The following MINDY3 variants were observed in gnomAD, a reference collection of about 807,000 sequenced individuals.
MINDY3 encodes ubiquitin carboxyl-terminal hydrolase MINDY-3.
MINDY3 carries 38 observed loss-of-function variants against 69.2 expected under a neutral mutation model. The ratio of observed to expected loss-of-function variants is 0.55; its 90% CI spans 0.42 to 0.72. The LOEUF (loss-of-function observed/expected upper bound fraction) is 0.72, where lower values mean the gene tolerates loss of function less well. Among genes scored for constraint, MINDY3 ranks in the 30% least tolerant of loss-of-function variants. MINDY3 has a pLI of 0.00. For synonymous variants in MINDY3, 192 were observed against 180.1 expected, an observed-to-expected ratio of 1.07 and a Z score of -0.53; for missense variants, 522 against 519.0, an observed-to-expected ratio of 1.01 and a Z score of -0.06.
At chr10:15,801,371 C>G (rs1454483582) in intron 10 of MINDY3, among the ~76,000 whole-genome samples, 2 of 152,068 alleles carry the variant, frequency 1.3e-5, no homozygotes, top group East Asian at 3.9e-4. Context: ...AATCTTTTGG[C>G]TGTATAAGAA....
At chr10:15,796,653 A>G (rs910456117) in intron 10 of MINDY3, among the ~76,000 whole-genome samples, 2 of 152,016 alleles carry the variant, frequency 1.3e-5, no homozygotes, top group Non-Finnish European at 2.9e-5. Flanking sequence ...TGCATTAAAA[A>G]TTTTAATTTA....
At chr10:15,826,733 T>A (rs925465089) in intron 8 of MINDY3, among the ~76,000 whole-genome samples, 3 of 152,146 alleles carry the variant, frequency 2.0e-5, no homozygotes, top group African/African-American at 7.2e-5. Flanking sequence ...ATCAGTGGAA[T>A]AGAATAAAAA....
rs537055882 is a variant in MINDY3 at position 15,808,495 on chromosome 10, C to T, written c.882+8340G>A. ...CTAAGAGAGAAAGGCTCTAACAGTT[C>T]ACCGCAGTGTTTTTCCTGTTACACC... On this transcript the variant is annotated intron_variant, in intron 10 of 14. Coordinates refer to ENST00000277632, the MANE Select transcript of MINDY3 (RefSeq NM_024948.4). Among the ~76,000 whole-genome samples, 5 of 152,252 alleles carry T rather than the reference C, an allele frequency of 3.3e-5. No individual in the cohort carries two copies. In the South Asian group the frequency reaches 1.0e-3, roughly 32 times the overall value.
chr10:15,828,782 G>A (rs917222024), intron 8 of MINDY3, among the ~76,000 whole-genome samples: 18 of 152,088 alleles, frequency 1.2e-4, no homozygotes, highest in African/African-American at 3.6e-4. Context: ...AAAAAAATAC[G>A]TTTACTAACA....
chr10:15,856,987 G>A (rs895854715), intron 1 of MINDY3, among the ~76,000 whole-genome samples: 1 of 152,112 alleles, frequency 6.6e-6, no homozygotes, highest in African/African-American at 2.4e-5. Flanking sequence ...AGGCAGATCA[G>A]TCCTTTAAAA....
At chr10:15,787,080 T>C (rs1160224300) in intron 12 of MINDY3, among the ~76,000 whole-genome samples, 1 of 152,134 alleles carries the variant, frequency 6.6e-6, no homozygotes, top group African/African-American at 2.4e-5. Flanking sequence ...CATCAGATAA[T>C]AGAAAACATC....
chr10:15,811,827 A>G (rs1003965119), intron 10 of MINDY3, among the ~76,000 whole-genome samples: 8 of 152,342 alleles, frequency 5.3e-5, no homozygotes, highest in African/African-American at 1.7e-4. Context: ...CAGAACATAT[A>G]AAACTAGTAT....
At position 15,789,604 on chromosome 10, in the gene MINDY3, A is replaced by C. The variant is rs116041656; in HGVS notation, c.956-285T>G. ...ATCTTTAAACAGTGTTACAGCGTTA[A>C]GTGGGTAAAATATTTTTCTACTTAA... is the stretch of plus-strand genomic sequence containing the variant. On this transcript the variant is annotated intron_variant, in intron 11 of 14. Transcript: ENST00000277632. 3.3e-3 allele frequency among the ~76,000 whole-genome samples: 503 copies of C among 152,298 alleles called. 2 individuals are homozygous for C. Among genetic ancestry groups the C allele is most frequent in the African/African-American group, 0.011 (454 of 41,592 alleles).
At chr10:15,829,049 C>G (rs1196979608) in intron 8 of MINDY3, among the ~76,000 whole-genome samples, 1 of 152,146 alleles carries the variant, frequency 6.6e-6, no homozygotes, top group African/African-American at 2.4e-5. Context: ...AATTCAGTTT[C>G]CCTCAAAAGC....
intron 7 of MINDY3, 58 bp downstream of exon 7, chr10:15,834,485 A>G: frequency 8.3e-7 from 1 of 1,200,500 alleles, no homozygotes; most frequent in South Asian, 1.3e-5. Flanking sequence ...TTTTATCTGA[A>G]GTCAAGTTTC....
chr10:15,833,791 G>C (rs1832895526), intron 7 of MINDY3, 82 bp from the exon 8 acceptor site: 1 of 870,598 alleles, frequency 1.1e-6, no homozygotes. Flanking sequence ...ATAAAGTAAT[G>C]ACTTTTCACA....
chr10:15,805,628 G>A, intron 10 of MINDY3, among the ~76,000 whole-genome samples: 1 of 152,112 alleles, frequency 6.6e-6, no homozygotes, highest in East Asian at 1.9e-4. Flanking sequence ...ACTTTTCTCT[G>A]AAATGGGCCT....
At chr10:15,802,810 TA>T (rs571339721) in intron 10 of MINDY3, among the ~76,000 whole-genome samples, 355 of 141,984 alleles carry the variant, frequency 2.5e-3, no homozygotes, top group African/African-American at 2.9e-3. Context: ...TCTTGAACAA[TA>T]AAAAAAAAAA....
chr10:15,860,227 T>C lies in MINDY3; in HGVS notation c.73A>G (p.Ile25Val). 6.2e-7 allele frequency: 1 copy of C among 1,609,784 alleles called. No homozygotes were observed. Among genetic ancestry groups the C allele is most frequent in the Non-Finnish European group, 8.5e-7 (1 of 1,178,258 alleles). Residue 25 changes from isoleucine (I) to valine (V), a missense_variant, in exon 1 of 15, where the codon ATT (isoleucine) becomes GTT (valine). Physicochemically the swap from Ile to Val is conservative, Grantham distance 29 (BLOSUM62 3). Coordinates refer to ENST00000277632, the MANE Select transcript of MINDY3 (RefSeq NM_024948.4). ...TKSSPGLSDTIFCRWTQGFVF... is the reference protein window; with the variant it reads ...TKSSPGLSDTVFCRWTQGFVF... Reference sequence around the variant, plus strand: ...GTACCTTGCGTCCAGCGGCAGAAAATGGTGTCCGAGAGACCGGGGCTGCTC... The same window carrying C: ...GTACCTTGCGTCCAGCGGCAGAAAACGGTGTCCGAGAGACCGGGGCTGCTC...
At chr10:15,842,199 T>TC (rs1482514303) in intron 3 of MINDY3, among the ~76,000 whole-genome samples, 1 of 151,828 alleles carries the variant, frequency 6.6e-6, no homozygotes. Context: ...CACACTCTTT[T>TC]CAAGCAGTAT....
intron 5 of MINDY3, 191 bp from the exon 6 acceptor site, chr10:15,837,509 A>G: frequency 7.0e-7 from 1 of 1,424,004 alleles, no homozygotes; most frequent in South Asian, 1.3e-5. Context: ...CTATCACTAT[A>G]TATGATATTT....
At chr10:15,793,406 CTA>C (rs1211428541) in intron 11 of MINDY3, among the ~76,000 whole-genome samples, 1 of 152,024 alleles carries the variant, frequency 6.6e-6, no homozygotes, top group African/African-American at 2.4e-5. Flanking sequence ...CAGTTAAAAA[CTA>C]TATTTTTGAC....
rs577376694 is a variant in MINDY3, at chr10:15,823,296, C to T, written c.731-1570G>A. On this transcript the variant is annotated intron_variant, in intron 8 of 14. Transcript: ENST00000277632. ...TTAGGATTCCTCAGGGACCACAAGA[C>T]CCTCTTAGAGACTACGTGAGATCAA... Among the ~76,000 whole-genome samples the T allele has an allele frequency of 5.3e-5, 8 of 152,254 alleles. No individual in the cohort carries two copies. The East Asian group carries it at 1.5e-3, about 29-fold the overall frequency.
chr10:15,803,126 TG>T (rs1481325380), intron 10 of MINDY3, among the ~76,000 whole-genome samples: 1 of 152,180 alleles, frequency 6.6e-6, no homozygotes, highest in Non-Finnish European at 1.5e-5. Context: ...ATTTAAACCT[TG>T]TTTAAATTTA....
Sources: allele counts gnomAD v4.1 joint callset (sites outside exome capture counted in the v4.1 genomes callset), GRCh38; gene constraint gnomAD v4.1.1; transcripts MANE v1.5; gene names NCBI Gene and HGNC (gene_info 2026-07-23, HGNC 2026-07-21).